Variants in GNAI1 observed in about 807,000 individuals in gnomAD.
The protein encoded by GNAI1 is guanine nucleotide-binding protein G(i) subunit alpha-1.
In GNAI1, 11 loss-of-function variants were observed where a neutral mutation model predicts 38.9. The ratio of observed to expected loss-of-function variants is 0.28; its 90% CI spans 0.18 to 0.47. The LOEUF (loss-of-function observed/expected upper bound fraction) is 0.47, where lower values mean the gene tolerates loss of function less well. GNAI1 is among the 20% of genes least tolerant of loss of function. GNAI1 has a pLI of 0.99. For missense variants in GNAI1, 317 were observed against 436.9 expected, an observed-to-expected ratio of 0.73 and a Z score of 2.45; for synonymous variants, 166 against 145.1, an observed-to-expected ratio of 1.14 and a Z score of -1.04.
chr7:80,163,891 T>C (rs1424715871), intron 1 of GNAI1, among the ~76,000 whole-genome samples: 2 of 151,992 alleles, frequency 1.3e-5, no homozygotes, highest in African/African-American at 2.4e-5. Flanking sequence ...CCTTTTTTCT[T>C]GTGTCTAATA....
intron 1 of GNAI1, among the ~76,000 whole-genome samples, chr7:80,161,696 A>G (rs987355630): frequency 6.6e-6 from 1 of 152,164 alleles, no homozygotes; most frequent in Non-Finnish European, 1.5e-5. Flanking sequence ...GCTTGTTTCT[A>G]AAGTGGGAGC....
chr7:80,184,645 A>G (rs887312654), intron 1 of GNAI1, among the ~76,000 whole-genome samples: 6 of 152,136 alleles, frequency 3.9e-5, no homozygotes, highest in East Asian at 3.9e-4. Flanking sequence ...TTCTATCTAT[A>G]TGGAGACTGC....
chr7:80,155,436 A>G (rs780486246), intron 1 of GNAI1, among the ~76,000 whole-genome samples: 3 of 152,204 alleles, frequency 2.0e-5, no homozygotes, highest in Non-Finnish European at 4.4e-5. Flanking sequence ...GGTCTATAAT[A>G]TTAAATAGAG....
chr7:80,192,208 T>G (rs2115644207), intron 3 of GNAI1, among the ~76,000 whole-genome samples: 1 of 152,328 alleles, frequency 6.6e-6, no homozygotes. Context: ...TTTTGTTTCT[T>G]ATTAGAATGG....
chr7:80,210,336 A>C (rs1450776190), intron 5 of GNAI1, among the ~76,000 whole-genome samples: 1 of 152,196 alleles, frequency 6.6e-6, no homozygotes, highest in Admixed American at 6.5e-5. Context: ...GCCATTCAGT[A>C]GGATCCCTCA....
intron 5 of GNAI1, among the ~76,000 whole-genome samples, chr7:80,205,730 G>C (rs1488422456): frequency 6.6e-6 from 1 of 151,972 alleles, no homozygotes; most frequent in Non-Finnish European, 1.5e-5. Flanking sequence ...GATTACAAAA[G>C]CAGAAAGCAG....
At chr7:80,162,652 G>A (rs185810323) in intron 1 of GNAI1, among the ~76,000 whole-genome samples, 12 of 152,122 alleles carry the variant, frequency 7.9e-5, no homozygotes, top group African/African-American at 2.6e-4. Flanking sequence ...CTCCACCTAC[G>A]AAGAAACCCT....
intron 1 of GNAI1, among the ~76,000 whole-genome samples, chr7:80,150,915 C>T (rs1258782525): frequency 1.3e-5 from 2 of 152,150 alleles, no homozygotes; most frequent in Non-Finnish European, 2.9e-5. Flanking sequence ...GGTCTTCCTC[C>T]CTATGTGCTT....
intron 3 of GNAI1, among the ~76,000 whole-genome samples, chr7:80,195,123 C>T (rs1229539220): frequency 6.6e-6 from 1 of 151,672 alleles, no homozygotes; most frequent in Non-Finnish European, 1.5e-5. Flanking sequence ...TTGTCAATAC[C>T]AGGAACACTT....
intron 1 of GNAI1, among the ~76,000 whole-genome samples, chr7:80,168,953 A>G (rs187943401): frequency 1.6e-4 from 24 of 152,188 alleles, no homozygotes; most frequent in African/African-American, 5.5e-4. Flanking sequence ...ATGTTACAGG[A>G]CCTATATATT....
At chr7:80,212,930 A>G in intron 7 of GNAI1, 61 bp downstream of exon 7, 1 of 1,086,120 alleles carries the variant, frequency 9.2e-7, no homozygotes, top group Non-Finnish European at 1.3e-6. Flanking sequence ...AACTTCCCCT[A>G]AGGCAAGAAT....
chr7:80,217,147 G>A lies in GNAI1; in HGVS notation c.875-156G>A, dbSNP rs561037803. ...GAGTGTTTTTCATTTAGAAGAAATA[G>A]TGTCTCCCATTCTAGAAGGGAAAGC... On this transcript the variant is annotated intron_variant, in intron 7 of 7. Coordinates refer to ENST00000649796, the MANE Select transcript of GNAI1 (RefSeq NM_002069.6). Among the ~76,000 whole-genome samples, 7 of 146,674 alleles carry A rather than the reference G, an allele frequency of 4.8e-5. No homozygotes were observed. The Admixed American group carries it at 4.8e-4, about 10-fold the overall frequency.
At chr7:80,192,142 T>TA (rs1788491818) in intron 3 of GNAI1, among the ~76,000 whole-genome samples, 2 of 152,350 alleles carry the variant, frequency 1.3e-5, no homozygotes, top group South Asian at 4.1e-4. Flanking sequence ...TTTTAGTTTT[T>TA]GAAATAGTAC....
intron 7 of GNAI1, 34 bp from the exon 8 acceptor site, chr7:80,217,269 T>A: frequency 1.0e-6 from 1 of 957,620 alleles, no homozygotes; most frequent in Non-Finnish European, 1.4e-6. Flanking sequence ...TTTTAACTTT[T>A]TGCATTTATG....
At chr7:80,140,113 A>T (rs904290313) in intron 1 of GNAI1, among the ~76,000 whole-genome samples, 4 of 151,684 alleles carry the variant, frequency 2.6e-5, no homozygotes, top group Non-Finnish European at 5.9e-5. Flanking sequence ...CCTCTCAAGT[A>T]GCTGGGACTA....
intron 1 of GNAI1, among the ~76,000 whole-genome samples, chr7:80,142,410 T>C (rs766084117): frequency 6.6e-6 from 1 of 152,232 alleles, no homozygotes; most frequent in Non-Finnish European, 1.5e-5. Flanking sequence ...TTTCTTTGCC[T>C]CTTCTTTATT....
chr7:80,157,584 A>G (rs898909822), intron 1 of GNAI1, among the ~76,000 whole-genome samples: 1 of 152,168 alleles, frequency 6.6e-6, no homozygotes, highest in Non-Finnish European at 1.5e-5. Context: ...CTGTTGTTCC[A>G]TATTCTCACC....
intron 1 of GNAI1, among the ~76,000 whole-genome samples, chr7:80,152,558 CTTTTTTT>C (rs35141470): frequency 2.9e-5 from 3 of 103,006 alleles, no homozygotes; most frequent in Non-Finnish European, 5.9e-5. Flanking sequence ...GGTCTCAATT[CTTTTTTT>C]TTTTTTTTTT....
At chr7:80,145,998 A>G (rs535916988) in intron 1 of GNAI1, among the ~76,000 whole-genome samples, 10 of 152,234 alleles carry the variant, frequency 6.6e-5, no homozygotes, top group African/African-American at 1.9e-4. Context: ...TATATGTTGC[A>G]TACATTCCAC....
Sources: gnomAD v4.1 joint callset for allele counts (sites outside exome capture counted in the v4.1 genomes callset) on GRCh38, gnomAD v4.1.1 for gene constraint, MANE v1.5 for transcripts, NCBI Gene and HGNC (gene_info 2026-07-23, HGNC 2026-07-21) for gene names.